The following MGAT5 variants were observed in gnomAD, a reference collection of about 807,000 sequenced individuals.
The protein encoded by MGAT5 is alpha-1,6-mannosylglycoprotein 6-beta-N-acetylglucosaminyltransferase, also known as alpha-1,6-mannosylglycoprotein 6-beta-N-acetylglucosaminyltransferase A.
In MGAT5, 30 loss-of-function variants were observed where a neutral mutation model predicts 94.3. That is an observed-to-expected ratio of 0.32 (90% CI 0.24 to 0.43). The LOEUF (loss-of-function observed/expected upper bound fraction) is 0.43. Among genes scored for constraint, MGAT5 ranks in the 20% least tolerant of loss-of-function variants. The pLI is 1.00. For missense variants in MGAT5, 691 were observed against 905.5 expected (o/e 0.76, Z 3.04); for synonymous variants, 310 against 322.9 (o/e 0.96, Z 0.43).
intron 10 of MGAT5, among the ~76,000 whole-genome samples, chr2:134,382,047 G>C (rs1437174182): frequency 6.6e-6 from 1 of 152,138 alleles, no homozygotes; most frequent in East Asian, 1.9e-4. Context: ...GCTTTGCTAT[G>C]GTTCTCAGCC....
chr2:134,177,226 T>A lies in MGAT5; in HGVS notation c.-143+56935T>A, dbSNP rs183800501. Among the ~76,000 whole-genome samples, 496 of 150,892 alleles carry A rather than the reference T, an allele frequency of 3.3e-3. 1 individual carries two copies. Among genetic ancestry groups the A allele is most frequent in the African/African-American group, 0.011 (466 of 41,090 alleles). On this transcript the variant is annotated intron_variant, in intron 1 of 16. Coordinates refer to the MGAT5 transcript ENST00000409645. ...GTTTTTTCTTGTTCATAGTTTTAGGTTGATAAACAGTTCTATGGGATGGGA... is the reference window on the plus strand; with the variant it reads ...GTTTTTTCTTGTTCATAGTTTTAGGATGATAAACAGTTCTATGGGATGGGA...
chr2:134,318,731 C>A lies in MGAT5; in HGVS notation c.565C>A (p.Leu189Ile). The change falls in exon 4 of 16, where the codon CTC (leucine) becomes ATC (isoleucine). Residue 189 changes from leucine to isoleucine, a missense_variant. By Grantham distance (5) the Leu-to-Ile change is conservative. This residue lies in a region of MGAT5 where 307 missense variants were observed against 335.4 expected (regional missense o/e 0.92). Transcript: ENST00000281923. ...ATCCACCTGCTCTTTTTTTATTTACCTCAGTGAGGTGAGTAGCTTTCTGTG... is the reference window on the plus strand; with the variant it reads ...ATCCACCTGCTCTTTTTTTATTTACATCAGTGAGGTGAGTAGCTTTCTGTG... The part of the protein sequence containing the change: ...DGSTCSFFIY[L>I]SEVENWCPHL... 1 of 1,611,876 alleles carries A rather than the reference C, an allele frequency of 6.2e-7. No homozygotes were observed. The highest frequency in any genetic ancestry group is 1.1e-5 in the South Asian group (1 of 91,016).
chr2:134,134,081 C>T (rs1382471399), intron 1 of MGAT5, among the ~76,000 whole-genome samples: 3 of 152,252 alleles, frequency 2.0e-5, no homozygotes, highest in African/African-American at 7.2e-5. Flanking sequence ...TGCTATGTGA[C>T]TTTTAGCAAC....
At chr2:134,310,956 T>G (rs1347181816) in intron 2 of MGAT5, among the ~76,000 whole-genome samples, 1 of 152,230 alleles carries the variant, frequency 6.6e-6, no homozygotes, top group Non-Finnish European at 1.5e-5. Context: ...CTCATTTGGC[T>G]GCACTTTGCA....
At chr2:134,390,140 G>T (rs1281710189) in intron 10 of MGAT5, among the ~76,000 whole-genome samples, 1 of 152,140 alleles carries the variant, frequency 6.6e-6, no homozygotes, top group Non-Finnish European at 1.5e-5. Flanking sequence ...GATAAAAATG[G>T]AGAGTAGAAT....
chr2:134,234,421 A>G lies in MGAT5; in HGVS notation c.-142-19841A>G, dbSNP rs78707485. Among the ~76,000 whole-genome samples, 902 of 152,342 alleles carry G rather than the reference A, an allele frequency of 5.9e-3. 21 individuals carry two copies. In the East Asian group the frequency reaches 0.1, roughly 17 times the overall value. Reference sequence around the variant, plus strand: ...TTTGAGTCTCAACAGGGAGCAGATCATAAAGCTAAAAGTCAAATGTATGTA... The same window carrying G: ...TTTGAGTCTCAACAGGGAGCAGATCGTAAAGCTAAAAGTCAAATGTATGTA... On this transcript the variant is annotated intron_variant, in intron 1 of 16. Transcript: ENST00000409645.
At chr2:134,244,099 G>C (rs1252435523) in intron 1 of MGAT5, among the ~76,000 whole-genome samples, 1 of 152,046 alleles carries the variant, frequency 6.6e-6, no homozygotes, top group African/African-American at 2.4e-5. Context: ...AAATTTCTTT[G>C]TGGCTTTACT....
intron 2 of MGAT5, among the ~76,000 whole-genome samples, chr2:134,274,768 T>C (rs959556849): frequency 1.3e-5 from 2 of 152,228 alleles, no homozygotes; most frequent in Non-Finnish European, 2.9e-5. Flanking sequence ...GGTACAGGTA[T>C]AACTCAAGCG....
At chr2:134,292,664 G>A (rs939486906) in intron 2 of MGAT5, among the ~76,000 whole-genome samples, 5 of 152,144 alleles carry the variant, frequency 3.3e-5, no homozygotes, top group Admixed American at 3.3e-4. Flanking sequence ...ACTAGGTGTG[G>A]TGGTGTTTTG....
intron 12 of MGAT5, among the ~76,000 whole-genome samples, chr2:134,417,307 C>T (rs1431880974): frequency 6.6e-6 from 1 of 152,126 alleles, no homozygotes; most frequent in Non-Finnish European, 1.5e-5. Flanking sequence ...AAGAAATTAA[C>T]ATTGGTACCA....
intron 10 of MGAT5, among the ~76,000 whole-genome samples, chr2:134,397,997 T>C (rs1267487360): frequency 6.6e-6 from 1 of 152,214 alleles, no homozygotes; most frequent in African/African-American, 2.4e-5. Context: ...GATTCATTAT[T>C]GTATGTTTGT....
chr2:134,443,039 A>G (rs1204854517), intron 15 of MGAT5, among the ~76,000 whole-genome samples: 1 of 152,106 alleles, frequency 6.6e-6, no homozygotes, highest in Non-Finnish European at 1.5e-5. Flanking sequence ...TTATTTGTGC[A>G]CCATGGTCTG....
chr2:134,345,143 G>A, intron 8 of MGAT5, 79 bp downstream of exon 8: 1 of 1,455,616 alleles, frequency 6.9e-7, no homozygotes, highest in Non-Finnish European at 9.4e-7. Context: ...GGTAGAAAAA[G>A]CTTATCAAAT....
At chr2:134,356,262 T>C (rs1679732673) in intron 9 of MGAT5, among the ~76,000 whole-genome samples, 1 of 152,188 alleles carries the variant, frequency 6.6e-6, no homozygotes, top group Non-Finnish European at 1.5e-5. Context: ...GATGGGGGAT[T>C]CTGGAGGTGT....
At chr2:134,413,058 A>C in intron 12 of MGAT5, 43 bp downstream of exon 12, 1 of 1,606,348 alleles carries the variant, frequency 6.2e-7, no homozygotes, top group Non-Finnish European at 8.5e-7. Context: ...TAATATGAAT[A>C]ATAGCTATTT....
intron 1 of MGAT5, among the ~76,000 whole-genome samples, chr2:134,183,579 GATAGCCTGTTTA>G (rs1384577193): frequency 1.3e-5 from 2 of 152,220 alleles, no homozygotes; most frequent in African/African-American, 2.4e-5. Context: ...AAACTGAATG[GATAGCCTGTTTA>G]ATAGTTGAAG....
At chr2:134,269,902 CT>C (rs1206164465) in intron 1 of MGAT5, among the ~76,000 whole-genome samples, 24 of 152,302 alleles carry the variant, frequency 1.6e-4, no homozygotes, top group African/African-American at 5.5e-4. Context: ...GGAGCTGTAG[CT>C]TTTATGAAGT....
intron 1 of MGAT5, among the ~76,000 whole-genome samples, chr2:134,137,542 T>G (rs12464954): frequency 0.12 from 18,926 of 152,292 alleles, 1,278 homozygotes; most frequent in East Asian, 0.2. Context: ...TGGGCATCTC[T>G]TTCCACTTGT....
intron 1 of MGAT5, among the ~76,000 whole-genome samples, chr2:134,220,038 G>A (rs567153955): frequency 2.3e-4 from 35 of 152,278 alleles, no homozygotes; most frequent in African/African-American, 8.2e-4. Context: ...TACCTGGGCT[G>A]TTGCAAGTTC....
Sources: gnomAD v4.1 joint callset for allele counts (sites outside exome capture counted in the v4.1 genomes callset) on GRCh38, gnomAD v4.1.1 for gene constraint, gnomAD v4.1.1 regional missense constraint, MANE v1.5 for transcripts, NCBI Gene and HGNC (gene_info 2026-07-23, HGNC 2026-07-21) for gene names.